The following FLVCR1 variants were observed in gnomAD, a reference collection of about 807,000 sequenced individuals.
FLVCR1 encodes choline/ethanolamine transporter FLVCR1.
A neutral mutation model predicts 53.6 loss-of-function variants in FLVCR1; 34 were observed. The ratio of observed to expected loss-of-function variants is 0.63; its 90% CI spans 0.48 to 0.84. The LOEUF (loss-of-function observed/expected upper bound fraction) is 0.84. Among genes scored for constraint, FLVCR1 ranks in the 40% least tolerant of loss-of-function variants. FLVCR1 has a pLI of 0.00. For missense variants in FLVCR1, 677 were observed against 696.7 expected (o/e 0.97, Z 0.32); for synonymous variants, 300 against 286.3 (o/e 1.05, Z -0.48).
chr1:212,884,405 G>GAAACA (rs1195337967), intron 4 of FLVCR1, among the ~76,000 whole-genome samples: 3 of 151,892 alleles, frequency 2.0e-5, no homozygotes, highest in Admixed American at 6.6e-5. Context: ...TCAAAAAAAC[G>GAAACA]AAACAAAACA....
chr1:212,889,719 G>A (rs1665141674), intron 8 of FLVCR1, among the ~76,000 whole-genome samples: 1 of 146,472 alleles, frequency 6.8e-6, no homozygotes, highest in Non-Finnish European at 1.5e-5. Context: ...GATCACACGA[G>A]TGCACTCTAG....
At chr1:212,889,051 C>A in intron 7 of FLVCR1, 95 bp from the exon 8 acceptor site, 1 of 954,254 alleles carries the variant, frequency 1.0e-6, no homozygotes, top group Non-Finnish European at 1.6e-6. Context: ...GAAACCAAAT[C>A]ATATAACCAA....
chr1:212,894,456 T>C (rs1213955359), intron 8 of FLVCR1, among the ~76,000 whole-genome samples: 1 of 152,130 alleles, frequency 6.6e-6, no homozygotes, highest in African/African-American at 2.4e-5. Flanking sequence ...CCCAGCAATA[T>C]TCACTCTTTT....
At chr1:212,859,741 CATA>C (rs139681885) in intron 1 of FLVCR1, among the ~76,000 whole-genome samples, 20 of 150,864 alleles carry the variant, frequency 1.3e-4, no homozygotes, top group Non-Finnish European at 2.4e-4. Flanking sequence ...AAACTGTAAC[CATA>C]ATAATAATAA....
intron 8 of FLVCR1, among the ~76,000 whole-genome samples, chr1:212,893,305 T>A (rs1412024520): frequency 6.6e-6 from 1 of 152,142 alleles, no homozygotes; most frequent in Non-Finnish European, 1.5e-5. Flanking sequence ...TCTGCCTGCC[T>A]CGGCCTCCCA....
At chr1:212,860,811 T>C (rs1049863289) in intron 1 of FLVCR1, among the ~76,000 whole-genome samples, 1 of 152,222 alleles carries the variant, frequency 6.6e-6, no homozygotes, top group Non-Finnish European at 1.5e-5. Flanking sequence ...TTCAGACTCA[T>C]ACAGATACTG....
At chr1:212,889,499 G>T (rs938051149) in intron 8 of FLVCR1, among the ~76,000 whole-genome samples, 2 of 152,202 alleles carry the variant, frequency 1.3e-5, no homozygotes, top group Non-Finnish European at 2.9e-5. Flanking sequence ...GGGTGTGTTG[G>T]CTCATGCCTG....
At chr1:212,885,042 A>G (rs1312985533) in intron 4 of FLVCR1, among the ~76,000 whole-genome samples, 2 of 152,220 alleles carry the variant, frequency 1.3e-5, no homozygotes, top group Non-Finnish European at 2.9e-5. Context: ...CTAACCATAG[A>G]GGATTAAGGA....
Position 212,878,241 on chromosome 1 carries a change from G to A in FLVCR1, c.1025-5130G>A, listed in dbSNP as rs571625077. Among the ~76,000 whole-genome samples, 103 of 152,196 alleles carry A rather than the reference G, an allele frequency of 6.8e-4. 1 individual carries two copies. In the South Asian group the frequency reaches 0.019, roughly 28 times the overall value. On this transcript the variant is annotated intron_variant, in intron 3 of 9. Coordinates refer to ENST00000366971, the MANE Select transcript of FLVCR1 (RefSeq NM_014053.4). ...AGAGAGACCAGGCGCGGTGGCTCAG[G>A]CCTGTAATCCAAGAACTTTGGGAGG...
At chr1:212,882,862 A>G (rs909111872) in intron 3 of FLVCR1, among the ~76,000 whole-genome samples, 7 of 142,440 alleles carry the variant, frequency 4.9e-5, no homozygotes, top group Admixed American at 3.3e-4. Context: ...TTGCACCACT[A>G]CTCTCCAGCC....
Position 212,858,972 on chromosome 1 carries a change from C to A in FLVCR1, c.520C>A (p.Arg174=). 1 of 1,614,080 alleles carries A rather than the reference C, an allele frequency of 6.2e-7. No individual in the cohort carries two copies. Among genetic ancestry groups the A allele is most frequent in the Non-Finnish European group, 8.5e-7 (1 of 1,179,964 alleles). ...CTGGCTGCTGGACACCAGAGGCCTG[C>A]GGCTCACCGCCCTGCTGGGCTCCGG... is the stretch of plus-strand genomic sequence containing the variant. ...ATWLLDTRGL[R]LTALLGSGLN... The change falls in exon 1 of 10, where the codon CGG becomes AGG. Residue 174 remains arginine, a synonymous_variant. Coordinates refer to ENST00000366971, the MANE Select transcript of FLVCR1 (RefSeq NM_014053.4).
intron 1 of FLVCR1, among the ~76,000 whole-genome samples, chr1:212,859,626 G>A (rs1408370338): frequency 1.3e-5 from 2 of 152,074 alleles, no homozygotes; most frequent in Non-Finnish European, 1.5e-5. Context: ...GCTGAGGCAG[G>A]AGAATCTCTT....
intron 9 of FLVCR1, 49 bp downstream of exon 9, chr1:212,895,102 A>C: frequency 7.3e-7 from 1 of 1,378,206 alleles, no homozygotes; most frequent in Non-Finnish European, 1.0e-6. Context: ...GTATAGAATA[A>C]ATGTGAAACC....
At chr1:212,887,865 T>C in intron 5 of FLVCR1, 26 bp from the exon 6 acceptor site, 1 of 1,198,566 alleles carries the variant, frequency 8.3e-7, no homozygotes. Context: ...GACAAAATAC[T>C]AACAGCTTTG....
At chr1:212,864,796 C>G (rs1344214750) in intron 2 of FLVCR1, among the ~76,000 whole-genome samples, 1 of 152,076 alleles carries the variant, frequency 6.6e-6, no homozygotes, top group East Asian at 1.9e-4. Context: ...TTTGTGATCT[C>G]CAGATATAAA....
At chr1:212,888,428 A>G in intron 6 of FLVCR1, 61 bp from the exon 7 acceptor site, 1 of 1,102,006 alleles carries the variant, frequency 9.1e-7, no homozygotes, top group South Asian at 1.2e-5. Flanking sequence ...GAATGATTGC[A>G]TCAGTATGTG....
In FLVCR1 at chr1:212,858,458, G is replaced by A. The variant is rs1212330581; in HGVS notation, c.6G>A (p.Ala2=). 1.3e-5 allele frequency: 18 copies of A among 1,437,982 alleles called. No individual in the cohort carries two copies. The Admixed American group carries it at 4.6e-4, about 36-fold the overall frequency. 89.1% of individuals were successfully genotyped at this position (1,437,982 alleles called of 1,614,324 possible). M[A]RPDDEEGAAV... is the part of the protein sequence containing the mutation. ...GGCGCCGGGGAGCCTGGGATATGGC[G>A]CGGCCAGACGATGAGGAGGGGGCGG... is the stretch of plus-strand genomic sequence containing the variant. Residue 2 remains alanine, a synonymous_variant, in exon 1 of 10, where the codon GCG becomes GCA. Coordinates refer to ENST00000366971, the MANE Select transcript of FLVCR1 (RefSeq NM_014053.4).
intron 3 of FLVCR1, among the ~76,000 whole-genome samples, chr1:212,879,196 G>C (rs1397108570): frequency 6.6e-6 from 1 of 152,146 alleles, no homozygotes; most frequent in Non-Finnish European, 1.5e-5. Flanking sequence ...GGAAATTAAA[G>C]AGTTTATTTG....
chr1:212,859,115 C>T lies in FLVCR1; in HGVS notation c.663C>T (p.Pro221=), dbSNP rs140209609. The T allele has an allele frequency of 4.0e-5, 65 of 1,613,932 alleles. No homozygotes were observed. The African/African-American group carries it at 6.7e-4, about 17-fold the overall frequency. Residue 221 remains proline (P), a synonymous_variant, in exon 1 of 10, where the codon CCC becomes CCT. Transcript: ENST00000366971. ...SVAQVFILGL[P]SRIASVWFGP... ...CCCAGGTGTTCATCCTGGGCTTGCC[C>T]TCCCGCATCGCCTCAGTGTGGTTTG...
Sources: gnomAD v4.1 joint callset for allele counts (sites outside exome capture counted in the v4.1 genomes callset) on GRCh38, gnomAD v4.1.1 for gene constraint, MANE v1.5 for transcripts, NCBI Gene and HGNC (gene_info 2026-07-23, HGNC 2026-07-21) for gene names.